CCDC141: variants seen among roughly 807,000 people sequenced by gnomAD.
CCDC141 encodes the protein coiled-coil domain-containing protein 141.
In CCDC141, 168 loss-of-function variants were observed where a neutral mutation model predicts 181.0. The observed-to-expected ratio is 0.93, with a 90% CI of 0.82 to 1.05. The LOEUF is 1.05. Among genes scored for constraint, CCDC141 ranks in the 50% least tolerant of loss-of-function variants. The pLI is 0.00. For missense variants in CCDC141, 1,902 were observed against 1,788.5 expected (o/e 1.06, Z -1.14); for synonymous variants, 666 against 642.3 (o/e 1.04, Z -0.56).
At position 178,837,609 on chromosome 2, in the gene CCDC141, C is replaced by T. The variant is rs914187336; in HGVS notation, c.3610G>A (p.Glu1204Lys). 2 of 1,613,914 alleles carry T rather than the reference C, an allele frequency of 1.2e-6. No homozygotes were observed. The highest frequency in any genetic ancestry group is 1.3e-5 in the African/African-American group (1 of 74,904). ...TCAGGTGAGACACACTCATATTCTT[C>T]CCCTGAGAGCATGTCTTCAGGCAGG... ...LLLPEDMLSG[E>K]EYECVSPDDI... Residue 1204 changes from glutamate (E) to lysine (K), a missense_variant, in exon 23 of 24, where the codon GAA becomes AAA. Glu to Lys is a moderately conservative substitution (Grantham distance 56). Transcript: ENST00000443758.
At chr2:178,959,583 G>A (rs1486778696) in intron 5 of CCDC141, among the ~76,000 whole-genome samples, 1 of 152,142 alleles carries the variant, frequency 6.6e-6, no homozygotes, top group East Asian at 1.9e-4. Context: ...CCTTTGCATT[G>A]GACGATAATG....
chr2:178,891,283 T>C (rs1338960265), intron 8 of CCDC141, among the ~76,000 whole-genome samples: 1 of 152,134 alleles, frequency 6.6e-6, no homozygotes, highest in Non-Finnish European at 1.5e-5. Context: ...CTAATCTTCA[T>C]AACAACCCTG....
At chr2:179,030,941 T>TA (rs1413594267) in intron 2 of CCDC141, among the ~76,000 whole-genome samples, 1 of 152,054 alleles carries the variant, frequency 6.6e-6, no homozygotes, top group African/African-American at 2.4e-5. Context: ...TTTCCTGGGC[T>TA]AAAAAAATGA....
downstream of CCDC141, among the ~76,000 whole-genome samples, chr2:178,827,440 T>C (rs1186167771): frequency 6.6e-6 from 1 of 152,176 alleles, no homozygotes; most frequent in Non-Finnish European, 1.5e-5. Context: ...ACTTCTCTAT[T>C]CTCCTTCCTT....
At position 178,977,893 on chromosome 2, in the gene CCDC141, G is replaced by A. The variant is rs527425616; in HGVS notation, c.417+591C>T. ...GAAACCTCAAAAAATTGTAGAATTCGAGAAAAATCACATGGAGACATGACC... is the reference window on the plus strand; with the variant it reads ...GAAACCTCAAAAAATTGTAGAATTCAAGAAAAATCACATGGAGACATGACC... On this transcript the variant is annotated intron_variant, in intron 3 of 23. Transcript: ENST00000443758. Among the ~76,000 whole-genome samples, 8 of 152,212 alleles carry A rather than the reference G, an allele frequency of 5.3e-5. No individual in the cohort carries two copies. In the South Asian group the frequency reaches 1.5e-3, roughly 28 times the overall value.
intron 5 of CCDC141, among the ~76,000 whole-genome samples, chr2:178,955,355 T>C (rs998178576): frequency 6.6e-6 from 1 of 152,032 alleles, no homozygotes; most frequent in African/African-American, 2.4e-5. Context: ...GGTGAGATAA[T>C]TTGTGCTTAT....
intron 16 of CCDC141, among the ~76,000 whole-genome samples, chr2:178,867,820 T>C (rs1318011390): frequency 1.3e-5 from 2 of 152,132 alleles, no homozygotes; most frequent in Non-Finnish European, 2.9e-5. Context: ...AAAATAGAGG[T>C]ATTCAACAAG....
intron 7 of CCDC141, among the ~76,000 whole-genome samples, chr2:178,907,048 A>C (rs1688004662): frequency 6.6e-6 from 1 of 152,198 alleles, no homozygotes; most frequent in Non-Finnish European, 1.5e-5. Context: ...AATTCTGTTT[A>C]TTTAGAATAT....
rs181694658 is a variant in CCDC141, at chr2:178,919,038, T to C, written c.898-131A>G. On this transcript the variant is annotated intron_variant, in intron 6 of 23. Coordinates refer to ENST00000443758, the MANE Select transcript of CCDC141 (RefSeq NM_173648.4). ...TATTAGGAAGTAGGGCTTTGGGAGA[T>C]GATTAGTGACCTTATGAAAGAGGCC... 1.0e-3 allele frequency: 838 copies of C among 824,712 alleles called. 8 individuals are homozygous for C. The African/African-American group carries it at 0.013, about 12-fold the overall frequency. The allele number at this position is 824,712 out of a possible 1,614,324, so 51.1% of individuals were successfully genotyped here.
intron 2 of CCDC141, among the ~76,000 whole-genome samples, chr2:179,013,836 T>C (rs1383704622): frequency 1.3e-5 from 2 of 151,614 alleles, no homozygotes; most frequent in South Asian, 2.1e-4. Flanking sequence ...CGGGCACTTG[T>C]AGTCCAAGCT....
At chr2:179,043,785 A>C (rs340342) in intron 2 of CCDC141, among the ~76,000 whole-genome samples, 98,857 of 152,016 alleles carry the variant, frequency 0.65, 33,322 homozygotes, top group East Asian at 0.77. Context: ...ATGCCTATTC[A>C]ACACAGTATT....
chr2:179,017,682 A>G (rs1244358261), intron 2 of CCDC141, among the ~76,000 whole-genome samples: 1 of 152,182 alleles, frequency 6.6e-6, no homozygotes, highest in Admixed American at 6.6e-5. Flanking sequence ...GAAAAAGAAC[A>G]CATATTCTCA....
Position 179,049,997 on chromosome 2 carries a change from G to C in CCDC141, c.-56C>G. The C allele has an allele frequency of 6.5e-7, 1 of 1,547,808 alleles. No homozygotes were observed. Among genetic ancestry groups the C allele is most frequent in the South Asian group, 1.2e-5 (1 of 83,746 alleles). ...GCAGCCTCTGGACAGTTGTGTGTCT[G>C]CTGGTCATTTCAGAAGGCCAGGGTT... On this transcript the variant is annotated 5_prime_UTR_variant, in exon 1 of 24. Transcript: ENST00000443758.
At chr2:178,851,994 G>A (rs1685184703) in intron 20 of CCDC141, among the ~76,000 whole-genome samples, 1 of 152,152 alleles carries the variant, frequency 6.6e-6, no homozygotes, top group Admixed American at 6.5e-5. Flanking sequence ...CAAACAGACG[G>A]AGACTCATGT....
At chr2:179,033,407 T>G (rs2043054544) in intron 2 of CCDC141, among the ~76,000 whole-genome samples, 1 of 152,164 alleles carries the variant, frequency 6.6e-6, no homozygotes, top group African/African-American at 2.4e-5. Context: ...GACTTGAGCA[T>G]CAGTGAATTT....
chr2:178,987,051 T>C (rs1205259102), intron 2 of CCDC141, among the ~76,000 whole-genome samples: 1 of 151,050 alleles, frequency 6.6e-6, no homozygotes, highest in Non-Finnish European at 1.5e-5. Context: ...GGCATCACAC[T>C]ACCTGACTTC....
chr2:178,871,370 C>A (rs561447679), intron 14 of CCDC141, 57 bp downstream of exon 14: 1 of 1,553,774 alleles, frequency 6.4e-7, no homozygotes, highest in Admixed American at 1.9e-5. Context: ...TAAACTGCAA[C>A]CAAACAGTTT....
At chr2:178,856,432 T>A in intron 17 of CCDC141, 35 bp from the exon 18 acceptor site, 1 of 1,463,674 alleles carries the variant, frequency 6.8e-7, no homozygotes, top group Non-Finnish European at 9.2e-7. Context: ...GTGGTTTCCT[T>A]AAAATGAGAA....
chr2:179,017,584 T>C (rs2042579738), intron 2 of CCDC141, among the ~76,000 whole-genome samples: 2 of 152,178 alleles, frequency 1.3e-5, no homozygotes, highest in South Asian at 4.2e-4. Context: ...CAAACTATCC[T>C]AAAAGAAAAT....
Sources: gnomAD v4.1 joint callset for allele counts (sites outside exome capture counted in the v4.1 genomes callset) on GRCh38, gnomAD v4.1.1 for gene constraint, MANE v1.5 for transcripts, NCBI Gene and HGNC (gene_info 2026-07-23, HGNC 2026-07-21) for gene names.